Variants in HUNK observed in about 807,000 individuals in gnomAD.
HUNK encodes hormonally up-regulated neu tumor-associated kinase.
HUNK carries 21 observed loss-of-function variants against 61.0 expected under a neutral mutation model. The ratio of observed to expected loss-of-function variants is 0.34; its 90% CI spans 0.24 to 0.50. The LOEUF (loss-of-function observed/expected upper bound fraction) is 0.50. Ranked by LOEUF, HUNK falls within the 20% of genes least tolerant of loss-of-function variation. The pLI is 0.98. For synonymous variants in HUNK, 371 were observed against 386.1 expected (o/e 0.96, Z 0.46); for missense variants, 772 against 945.7 (o/e 0.82, Z 2.41).
At chr21:31,882,306 A>C (rs1238655217) in intron 1 of HUNK, among the ~76,000 whole-genome samples, 2 of 152,124 alleles carry the variant, frequency 1.3e-5, no homozygotes, top group Non-Finnish European at 2.9e-5. Context: ...TTCAAGATGC[A>C]TTTGGTTAAG....
chr21:31,887,187 A>C (rs1468942333), intron 1 of HUNK, among the ~76,000 whole-genome samples: 2 of 152,166 alleles, frequency 1.3e-5, no homozygotes, highest in Non-Finnish European at 2.9e-5. Context: ...TTAGGCACCT[A>C]GGTATCTGAG....
At chr21:31,971,504 A>G (rs1404529798) in intron 6 of HUNK, among the ~76,000 whole-genome samples, 1 of 152,190 alleles carries the variant, frequency 6.6e-6, no homozygotes, top group Non-Finnish European at 1.5e-5. Flanking sequence ...TGGCATGTAG[A>G]TAAAGGGAGT....
At position 31,900,321 on chromosome 21, in the gene HUNK, G is replaced by A. The variant is rs376591897; in HGVS notation, c.262-24147G>A. On this transcript the variant is annotated intron_variant, in intron 1 of 10. Transcript: ENST00000270112. ...GCCCAGCTGGAGGTAGTTTCTCCCC[G>A]CTCTTTGTTCTGTCTCCATGTCACC... 2.3e-3 allele frequency among the ~76,000 whole-genome samples: 351 copies of A among 151,960 alleles called. 1 individual carries two copies. Among genetic ancestry groups the A allele is most frequent in the Non-Finnish European group, 4.1e-3 (279 of 67,988 alleles).
At chr21:31,966,728 C>T (rs2052969302) in intron 5 of HUNK, among the ~76,000 whole-genome samples, 1 of 152,062 alleles carries the variant, frequency 6.6e-6, no homozygotes, top group Admixed American at 6.5e-5. Flanking sequence ...TATGGCTTCT[C>T]CTTGCAAAGA....
At chr21:31,887,426 C>A (rs559484776) in intron 1 of HUNK, among the ~76,000 whole-genome samples, 1 of 152,198 alleles carries the variant, frequency 6.6e-6, no homozygotes, top group Non-Finnish European at 1.5e-5. Flanking sequence ...AAGCCACATT[C>A]CTGCCAAAAC....
At chr21:31,968,715 A>AGT (rs746064468) in intron 6 of HUNK, among the ~76,000 whole-genome samples, 7,055 of 87,918 alleles carry the variant, frequency 0.08, 242 homozygotes, top group Middle Eastern at 0.15. Flanking sequence ...CTGTGGCCCG[A>AGT]GTGTGTGTGT....
intron 5 of HUNK, among the ~76,000 whole-genome samples, chr21:31,960,828 G>T (rs1302469746): frequency 6.6e-6 from 1 of 152,108 alleles, no homozygotes; most frequent in African/African-American, 2.4e-5. Context: ...TTTGGGTTGG[G>T]ACACAGCCAA....
In HUNK at chr21:31,875,737, G is replaced by A. The variant is rs1279423124; in HGVS notation, c.261+1802G>A. Among the ~76,000 whole-genome samples the A allele has an allele frequency of 2.0e-5, 3 of 152,204 alleles. No individual in the cohort carries two copies. In the South Asian group the frequency reaches 6.2e-4, roughly 31 times the overall value. ...TTGGAAACGTATAGGATTCAGGCTG[G>A]TTGTGCATATTTCCTCTCTAAACAT... On this transcript the variant is annotated intron_variant, in intron 1 of 10. Coordinates refer to ENST00000270112, the MANE Select transcript of HUNK (RefSeq NM_014586.2).
At chr21:31,879,063 A>T (rs1011864350) in intron 1 of HUNK, among the ~76,000 whole-genome samples, 22 of 152,244 alleles carry the variant, frequency 1.4e-4, no homozygotes, top group Non-Finnish European at 3.2e-4. Context: ...TGACAGTGCC[A>T]GATACCTGGA....
At chr21:31,949,739 T>C (rs987243459) in intron 4 of HUNK, among the ~76,000 whole-genome samples, 3 of 152,154 alleles carry the variant, frequency 2.0e-5, no homozygotes, top group African/African-American at 7.2e-5. Flanking sequence ...TTCTGCAGGC[T>C]GTACAAGAAG....
chr21:31,955,570 G>A (rs1050828057), intron 4 of HUNK, among the ~76,000 whole-genome samples: 7 of 152,184 alleles, frequency 4.6e-5, no homozygotes, highest in African/African-American at 1.4e-4. Flanking sequence ...CAGCCTGGGC[G>A]ATGGAGCGAG....
rs16988745 is a variant in HUNK, at chr21:32,002,777, A to T, written c.*3593A>T. 0.18 allele frequency: 27,563 copies of T among 152,158 alleles called. 3,227 individuals are homozygous for T. Among genetic ancestry groups the T allele is most frequent in the South Asian group, 0.28 (1,367 of 4,820 alleles). 9.4% of individuals were successfully genotyped at this position (152,158 alleles called of 1,614,324 possible). On this transcript the variant is annotated 3_prime_UTR_variant, in exon 11 of 11. Coordinates refer to ENST00000270112, the MANE Select transcript of HUNK (RefSeq NM_014586.2). ...TAACTGTTCACAAAACGTTTTTCAT[A>T]TATACCACCTTGTTTCCCCTGGGAA...
At chr21:31,957,050 T>C (rs1166139976) in intron 4 of HUNK, among the ~76,000 whole-genome samples, 3 of 152,246 alleles carry the variant, frequency 2.0e-5, no homozygotes, top group Non-Finnish European at 4.4e-5. Flanking sequence ...CTGTGTGGCA[T>C]GTTCCCTCTT....
intron 1 of HUNK, among the ~76,000 whole-genome samples, chr21:31,908,101 A>G (rs1296468668): frequency 6.6e-6 from 1 of 152,206 alleles, no homozygotes; most frequent in Non-Finnish European, 1.5e-5. Flanking sequence ...TCTCACTATG[A>G]CTATTGTATA....
chr21:31,881,453 CCT>C (rs1469768303), intron 1 of HUNK, among the ~76,000 whole-genome samples: 2 of 151,960 alleles, frequency 1.3e-5, no homozygotes, highest in African/African-American at 4.8e-5. Context: ...ATGGTGAAAC[CCT>C]GTCTCTACTA....
intron 1 of HUNK, among the ~76,000 whole-genome samples, chr21:31,875,975 C>T (rs749101502): frequency 7.2e-5 from 11 of 152,142 alleles, no homozygotes; most frequent in Non-Finnish European, 1.5e-4. Context: ...GCTCAGCCAG[C>T]GCTTGGGTTC....
chr21:31,984,450 C>T (rs756020344), intron 8 of HUNK, among the ~76,000 whole-genome samples: 6 of 152,056 alleles, frequency 3.9e-5, no homozygotes, highest in Non-Finnish European at 7.4e-5. Context: ...GAGTGTAACA[C>T]GTGGCATCAG....
In HUNK at chr21:31,918,432, T is replaced by C. The variant is rs1051935410; in HGVS notation, c.262-6036T>C. Among the ~76,000 whole-genome samples, 3 of 152,202 alleles carry C rather than the reference T, an allele frequency of 2.0e-5. No homozygotes were observed. The South Asian group carries it at 6.2e-4, about 32-fold the overall frequency. ...AGGGGTGTTAGTTTCCTGCAGCTGC[T>C]GTAACAAATGACCACAAACTTGGTG... On this transcript the variant is annotated intron_variant, in intron 1 of 10. Coordinates refer to ENST00000270112, the MANE Select transcript of HUNK (RefSeq NM_014586.2).
At chr21:31,942,410 CA>C (rs1392131325) in intron 3 of HUNK, among the ~76,000 whole-genome samples, 2 of 152,136 alleles carry the variant, frequency 1.3e-5, no homozygotes, top group African/African-American at 4.8e-5. Context: ...TGGTGAAATG[CA>C]CAGACCTTTT....
Sources: gnomAD v4.1 joint callset for allele counts (sites outside exome capture counted in the v4.1 genomes callset) on GRCh38, gnomAD v4.1.1 for gene constraint, MANE v1.5 for transcripts, NCBI Gene and HGNC (gene_info 2026-07-23, HGNC 2026-07-21) for gene names.